Variants in NIBAN2 observed in about 807,000 individuals in gnomAD.
NIBAN2 encodes niban apoptosis regulator 2, also known as protein Niban 2.
Under a neutral mutation model 81.8 loss-of-function variants are expected in NIBAN2, and 36 were observed. The ratio of observed to expected loss-of-function variants is 0.44; its 90% CI spans 0.34 to 0.58. The LOEUF is 0.58. Among genes scored for constraint, NIBAN2 ranks in the 20% least tolerant of loss-of-function variants. NIBAN2 has a pLI of 0.02. For synonymous variants in NIBAN2, 445 were observed against 441.6 expected, an observed-to-expected ratio of 1.01 and a Z score of -0.10; for missense variants, 897 against 1,014.1, an observed-to-expected ratio of 0.88 and a Z score of 1.57.
In NIBAN2 at chr9:127,507,211, C is replaced by A. The variant is rs1434922835; in HGVS notation, c.1875G>T (p.Val625=). The A allele has an allele frequency of 1.9e-6, 3 of 1,612,900 alleles. No individual in the cohort carries two copies. In the South Asian group the frequency reaches 3.3e-5, roughly 18 times the overall value. The change falls in exon 14 of 14, where the codon GTG becomes GTT. Residue 625 remains valine, a synonymous_variant. Transcript: ENST00000373312. The surrounding 1 kb of genome is among the most constrained non-coding windows in gnomAD (Gnocchi z 6.8). ...GCAGCCCCACCTCCTCATCCTGGAC[C>A]ACAGAGACCACCTGCTTGGCGCGCC... is the stretch of plus-strand genomic sequence containing the variant. ...KRRRAKQVVS[V]VQDEEVGLPF...
At chr9:127,557,480 G>A (rs1351265907) in intron 1 of NIBAN2, among the ~76,000 whole-genome samples, 2 of 152,154 alleles carry the variant, frequency 1.3e-5, no homozygotes, top group Non-Finnish European at 2.9e-5. Flanking sequence ...GAAGAGGGGA[G>A]GGAGGGCGGG....
intron 1 of NIBAN2, among the ~76,000 whole-genome samples, chr9:127,551,541 AT>A (rs1274155632): frequency 1.8e-3 from 274 of 149,396 alleles, no homozygotes; most frequent in African/African-American, 4.5e-3. Context: ...ATAAATAAAA[AT>A]ATAAATAAAT....
At chr9:127,572,601 G>A (rs1449901277), upstream of NIBAN2, among the ~76,000 whole-genome samples, 3 of 152,168 alleles carry the variant, frequency 2.0e-5, no homozygotes, top group African/African-American at 7.2e-5. Flanking sequence ...CTTGAAGAAG[G>A]TTCAGGAAGA....
At chr9:127,524,058 G>A (rs868200477) in intron 4 of NIBAN2, among the ~76,000 whole-genome samples, 13 of 152,196 alleles carry the variant, frequency 8.5e-5, no homozygotes, top group African/African-American at 2.9e-4. Context: ...TCCAGCATCC[G>A]TGCAGACCCA....
chr9:127,507,046 C>T lies in NIBAN2; in HGVS notation c.2040G>A (p.Glu680=), dbSNP rs986388865. ...GPLLNGAPAG[E]SPQPKAAPEA... ...CGGGGGCGGCCTTAGGCTGGGGACT[C>T]TCCCCAGCGGGGGCCCCGTTGAGCA... is the stretch of plus-strand genomic sequence containing the variant. Residue 680 remains glutamate, a synonymous_variant, in exon 14 of 14, where the codon GAG becomes GAA. Transcript: ENST00000373312. This position sits in a 1 kb window ranked among gnomAD's most constrained non-coding sequence, Gnocchi z 6.8. The T allele has an allele frequency of 1.3e-6, 2 of 1,581,654 alleles. No individual in the cohort carries two copies. The highest frequency in any genetic ancestry group is 1.7e-6 in the Non-Finnish European group (2 of 1,163,014).
At chr9:127,526,550 C>T (rs1026397896) in intron 3 of NIBAN2, among the ~76,000 whole-genome samples, 4 of 152,134 alleles carry the variant, frequency 2.6e-5, no homozygotes, top group Admixed American at 6.5e-5. Context: ...CTCTGGGGCA[C>T]GAGGTTGCTC....
intron 2 of NIBAN2, among the ~76,000 whole-genome samples, chr9:127,531,416 G>A (rs1386288314): frequency 2.6e-5 from 4 of 151,750 alleles, no homozygotes; most frequent in South Asian, 2.1e-4. Context: ...CCTGGGAGGC[G>A]GAGGTTGCAG....
intron 1 of NIBAN2, chr9:127,578,826 C>T: frequency 8.2e-7 from 1 of 1,222,978 alleles, no homozygotes; most frequent in Non-Finnish European, 1.2e-6. Context: ...CGCTGCACTC[C>T]AGCCTGAGTG....
chr9:127,574,058 G>C (rs1311175267), upstream of NIBAN2, among the ~76,000 whole-genome samples: 1 of 152,154 alleles, frequency 6.6e-6, no homozygotes, highest in Non-Finnish European at 1.5e-5. Flanking sequence ...CTATAGCAAG[G>C]ATTTCTGAAA....
At chr9:127,535,257 C>T (rs1207597007) in intron 1 of NIBAN2, among the ~76,000 whole-genome samples, 1 of 151,966 alleles carries the variant, frequency 6.6e-6, no homozygotes, top group Non-Finnish European at 1.5e-5. Context: ...TGTGAGGACT[C>T]GAACACAGGT....
intron 2 of NIBAN2, among the ~76,000 whole-genome samples, chr9:127,528,896 C>A (rs940380291): frequency 6.6e-6 from 1 of 152,234 alleles, no homozygotes; most frequent in Non-Finnish European, 1.5e-5. Context: ...GACGGGCACT[C>A]CGGGACAGGG....
chr9:127,578,350 G>T (rs1287156271), intron 1 of NIBAN2, among the ~76,000 whole-genome samples: 1 of 79,252 alleles, frequency 1.3e-5, no homozygotes, highest in Admixed American at 1.8e-4. Flanking sequence ...GTGAGACTTG[G>T]TCTCAAAAAA....
rs542720482 is a variant in NIBAN2, at chr9:127,545,062, C to T, written c.56-13284G>A. Reference sequence around the variant, plus strand: ...GAGAAACAGGTGAATGGGGCTTTCACACCCAGCGAACCCAAGCGAACCGCA... The same window carrying T: ...GAGAAACAGGTGAATGGGGCTTTCATACCCAGCGAACCCAAGCGAACCGCA... On this transcript the variant is annotated intron_variant, in intron 1 of 13. Coordinates refer to ENST00000373312, the MANE Select transcript of NIBAN2 (RefSeq NM_022833.4). This position sits in a 1 kb window ranked among gnomAD's most constrained non-coding sequence, Gnocchi z 4.7. 6.6e-6 allele frequency among the ~76,000 whole-genome samples: 1 copy of T among 152,344 alleles called. No individual in the cohort carries two copies. Among genetic ancestry groups the T allele is most frequent in the South Asian group, 2.1e-4 (1 of 4,830 alleles).
chr9:127,564,484 G>C (rs1164147196), intron 1 of NIBAN2, among the ~76,000 whole-genome samples: 2 of 152,148 alleles, frequency 1.3e-5, no homozygotes, highest in East Asian at 3.9e-4. Flanking sequence ...AACTCACCAA[G>C]AAAAGAATGA....
In NIBAN2 at chr9:127,568,937, G is replaced by A. The variant is rs1417322069; in HGVS notation, c.-63C>T. ...CCGCTGTTGCCCGCGCTGCTCAGGC[G>A]GACGCCGCTGGCGCCATGGAGCCCG... On this transcript the variant is annotated 5_prime_UTR_variant, in exon 1 of 14. Transcript: ENST00000373312. 2.5e-6 allele frequency: 3 copies of A among 1,204,500 alleles called. No homozygotes were observed. The highest frequency in any genetic ancestry group is 7.4e-5 in the East Asian group (2 of 26,992). 74.6% of individuals were successfully genotyped at this position (1,204,500 alleles called of 1,614,324 possible).
chr9:127,516,204 T>C (rs891641463), intron 8 of NIBAN2, among the ~76,000 whole-genome samples: 4 of 152,158 alleles, frequency 2.6e-5, no homozygotes, highest in African/African-American at 7.2e-5. Context: ...GCTCTGCAGA[T>C]GTGTTATGGG....
At chr9:127,523,656 C>A (rs1391841680) in intron 5 of NIBAN2, 23 bp downstream of exon 5, 3 of 1,599,654 alleles carry the variant, frequency 1.9e-6, no homozygotes, top group East Asian at 4.5e-5. Context: ...CTCCCACCGA[C>A]CCTGCACCCA....
intron 1 of NIBAN2, among the ~76,000 whole-genome samples, chr9:127,537,271 GAGCT>G (rs1564308635): frequency 2.0e-5 from 3 of 152,176 alleles, no homozygotes; most frequent in African/African-American, 7.2e-5. Context: ...AGCTGTTCCC[GAGCT>G]CTGAGCTCTG....
intron 1 of NIBAN2, among the ~76,000 whole-genome samples, chr9:127,557,436 G>A (rs1186328120): frequency 6.6e-6 from 1 of 152,056 alleles, no homozygotes; most frequent in Non-Finnish European, 1.5e-5. Flanking sequence ...CATCTACAGA[G>A]CTGGACTCCC....
Sources: allele counts gnomAD v4.1 joint callset (sites outside exome capture counted in the v4.1 genomes callset), GRCh38; gene constraint gnomAD v4.1.1; non-coding constraint Gnocchi (gnomAD v3.1); transcripts MANE v1.5; gene names NCBI Gene and HGNC (gene_info 2026-07-23, HGNC 2026-07-21).